The following MMP16 variants were observed in gnomAD, a reference collection of about 807,000 sequenced individuals.
MMP16 encodes the protein matrix metallopeptidase 16, also known as matrix metalloproteinase-16.
Under a neutral mutation model 67.8 loss-of-function variants are expected in MMP16, and 12 were observed. The ratio of observed to expected loss-of-function variants is 0.18; its 90% confidence interval spans 0.11 to 0.29. The LOEUF (loss-of-function observed/expected upper bound fraction) is 0.29, where lower values mean the gene tolerates loss of function less well. Among genes scored for constraint, MMP16 ranks in the 10% least tolerant of loss-of-function variants. The probability of loss-of-function intolerance (pLI) is 1.00; values close to 1 mark genes in which losing one functional copy is unlikely to be tolerated. For missense variants in MMP16, 475 were observed against 765.7 expected (o/e 0.62, Z 4.48); for synonymous variants, 249 against 255.9 (o/e 0.97, Z 0.26).
At chr8:88,256,754 A>C (rs1326572994) in intron 1 of MMP16, among the ~76,000 whole-genome samples, 1 of 151,784 alleles carries the variant, frequency 6.6e-6, no homozygotes, top group Non-Finnish European at 1.5e-5. Flanking sequence ...TATAACTCAG[A>C]GGGTCCCTGG....
At chr8:88,071,207 A>G (rs1336572741) in intron 7 of MMP16, among the ~76,000 whole-genome samples, 1 of 152,138 alleles carries the variant, frequency 6.6e-6, no homozygotes, top group Non-Finnish European at 1.5e-5. Context: ...AAAAGTTTGA[A>G]TAAATAGGAC....
chr8:88,162,235 A>C (rs1808639153), intron 4 of MMP16, among the ~76,000 whole-genome samples: 1 of 152,100 alleles, frequency 6.6e-6, no homozygotes, highest in Admixed American at 6.6e-5. Context: ...TATGTAACTG[A>C]AAGGTTTTAA....
chr8:88,300,533 C>G (rs1811081359), intron 1 of MMP16, among the ~76,000 whole-genome samples: 1 of 152,294 alleles, frequency 6.6e-6, no homozygotes, highest in Middle Eastern at 3.4e-3. Flanking sequence ...TGTGAGATAA[C>G]AGTGCTTGCA....
intron 1 of MMP16, among the ~76,000 whole-genome samples, chr8:88,205,841 G>A (rs1809417058): frequency 6.6e-6 from 1 of 152,084 alleles, no homozygotes. Context: ...CAGACTCTGA[G>A]ATCACACTGC....
chr8:88,276,536 C>A (rs1323421163), intron 1 of MMP16, among the ~76,000 whole-genome samples: 1 of 152,064 alleles, frequency 6.6e-6, no homozygotes, highest in Non-Finnish European at 1.5e-5. Flanking sequence ...CCTTAAATAA[C>A]TGTGAAGACA....
intron 4 of MMP16, among the ~76,000 whole-genome samples, chr8:88,139,192 A>G (rs1447211133): frequency 6.6e-6 from 1 of 151,412 alleles, no homozygotes; most frequent in Non-Finnish European, 1.5e-5. Flanking sequence ...CACATCTTCC[A>G]ATTTATGCTC....
chr8:88,072,243 G>C (rs906909808), intron 7 of MMP16, among the ~76,000 whole-genome samples: 5 of 152,020 alleles, frequency 3.3e-5, no homozygotes, highest in Non-Finnish European at 5.9e-5. Flanking sequence ...GATTGTTGTG[G>C]TGAGGGTGGT....
At chr8:88,133,531 T>C (rs1351663517) in intron 4 of MMP16, among the ~76,000 whole-genome samples, 1 of 151,894 alleles carries the variant, frequency 6.6e-6, no homozygotes, top group Non-Finnish European at 1.5e-5. Context: ...ATATGTTCTC[T>C]ATTCATTTTG....
chr8:88,154,070 A>G, intron 4 of MMP16, among the ~76,000 whole-genome samples: 1 of 145,092 alleles, frequency 6.9e-6, no homozygotes, highest in East Asian at 2.0e-4. Flanking sequence ...ATGAACAGAC[A>G]CTTCTCAAAA....
intron 6 of MMP16, among the ~76,000 whole-genome samples, chr8:88,112,354 CT>C (rs1424278709): frequency 6.6e-6 from 1 of 151,572 alleles, no homozygotes; most frequent in Non-Finnish European, 1.5e-5. Flanking sequence ...TTGCCTTCTG[CT>C]TTTTTTACAC....
At position 88,037,092 on chromosome 8, in the gene MMP16, A is replaced by G. The variant is rs1256717395; in HGVS notation, c.*4369T>C. The stretch of plus-strand genomic sequence containing the variant: ...CACTATTTATTCCACTGTAAGATCC[A>G]CAAAGTGTGGGCGTGTATGTGTACC... On this transcript the variant is annotated 3_prime_UTR_variant, in exon 10 of 10. Transcript: ENST00000286614. 6.6e-6 allele frequency: 1 copy of G among 150,680 alleles called. No individual in the cohort carries two copies. The highest frequency in any genetic ancestry group is 1.5e-5 in the Non-Finnish European group (1 of 67,544). The allele number at this position is 150,680 out of a possible 1,614,324, so 9.3% of individuals were successfully genotyped here.
chr8:88,114,263 T>C (rs1395520565), intron 6 of MMP16, among the ~76,000 whole-genome samples: 23 of 151,730 alleles, frequency 1.5e-4, no homozygotes, highest in Admixed American at 1.5e-3. Flanking sequence ...TTATACTAGA[T>C]AGTAACATGT....
In MMP16 at chr8:88,058,254, G is replaced by C. The variant is rs1486264500; in HGVS notation, c.1223-1976C>G. 6.6e-6 allele frequency among the ~76,000 whole-genome samples: 1 copy of C among 152,136 alleles called. No homozygotes were observed. Among genetic ancestry groups the C allele is most frequent in the Non-Finnish European group, 1.5e-5 (1 of 68,004 alleles). On this transcript the variant is annotated intron_variant, in intron 7 of 9. Transcript: ENST00000286614. The surrounding 1 kb of genome is among the most constrained non-coding windows in gnomAD (Gnocchi z 4.2). ...AGGCCATCAAGGAGATTAAGTTTGT[G>C]TTGGGTTGTGATTGGTTTTATATTT...
chr8:88,111,269 G>A (rs941613266), intron 6 of MMP16, among the ~76,000 whole-genome samples: 1 of 151,682 alleles, frequency 6.6e-6, no homozygotes, highest in Non-Finnish European at 1.5e-5. Flanking sequence ...CATAGTTAAC[G>A]TTTTTGAAAT....
chr8:88,089,902 G>C (rs184042419), intron 6 of MMP16, among the ~76,000 whole-genome samples: 29 of 152,036 alleles, frequency 1.9e-4, no homozygotes, highest in African/African-American at 6.7e-4. Context: ...GAAAAGGTTA[G>C]ATCATGAAAC....
At position 88,087,636 on chromosome 8, in the gene MMP16, C is replaced by T. The variant is rs975680837; in HGVS notation, c.1084-12893G>A. ...AAAGAACACAGAAAGTGGAGCAGGC[C>T]GTCAGCATTAGGAATATGATATTGA... On this transcript the variant is annotated intron_variant, in intron 6 of 9. Coordinates refer to ENST00000286614, the MANE Select transcript of MMP16 (RefSeq NM_005941.5). 3.3e-5 allele frequency among the ~76,000 whole-genome samples: 5 copies of T among 151,556 alleles called. No individual in the cohort carries two copies. The South Asian group carries it at 6.2e-4, about 19-fold the overall frequency.
At chr8:88,190,317 A>C (rs1203627976) in intron 2 of MMP16, among the ~76,000 whole-genome samples, 1 of 152,202 alleles carries the variant, frequency 6.6e-6, no homozygotes, top group Non-Finnish European at 1.5e-5. Context: ...TGATCAAAGC[A>C]CATCACACTA....
intron 6 of MMP16, among the ~76,000 whole-genome samples, chr8:88,102,254 C>A (rs977930905): frequency 1.3e-5 from 2 of 151,866 alleles, no homozygotes; most frequent in East Asian, 3.9e-4. Context: ...TCTGGACCCA[C>A]AGAACTTCTG....
intron 6 of MMP16, among the ~76,000 whole-genome samples, chr8:88,094,859 A>T (rs1194757772): frequency 6.6e-6 from 1 of 151,860 alleles, no homozygotes; most frequent in Non-Finnish European, 1.5e-5. Context: ...AAGCCTGTCT[A>T]TATGCCAACA....
Sources: gnomAD v4.1 joint callset for allele counts (sites outside exome capture counted in the v4.1 genomes callset) on GRCh38, gnomAD v4.1.1 for gene constraint, Gnocchi (gnomAD v3.1) non-coding constraint, MANE v1.5 for transcripts, NCBI Gene and HGNC (gene_info 2026-07-23, HGNC 2026-07-21) for gene names.